MERTK: variants seen among roughly 807,000 people sequenced by gnomAD.
MERTK encodes the protein MER proto-oncogene, tyrosine kinase.
In MERTK, 69 loss-of-function variants were observed where a neutral mutation model predicts 99.3. That is an observed-to-expected ratio of 0.70 (90% CI 0.57 to 0.85). The LOEUF is 0.85. Among genes scored for constraint, MERTK ranks in the 40% least tolerant of loss-of-function variants. MERTK has a pLI of 0.00. For missense variants in MERTK, 1,125 were observed against 1,249.4 expected (o/e 0.90, Z 1.50); for synonymous variants, 426 against 467.6 (o/e 0.91, Z 1.15).
In MERTK at chr2:111,997,356, C is replaced by T. The variant is rs754004173; in HGVS notation, c.1484C>T (p.Ala495Val). The T allele has an allele frequency of 2.9e-5, 46 of 1,614,004 alleles. 2 individuals are homozygous for T. In the South Asian group the frequency reaches 4.0e-4, roughly 14 times the overall value. The change falls in exon 10 of 19, where the codon GCG becomes GTG. Residue 495 changes from alanine to valine, a missense_variant. By Grantham distance (64) the Ala-to-Val change is moderately conservative. Transcript: ENST00000295408. ...GATTATGCCCCCTCTTCAACTCCGG[C>T]GCCTGGCAACGCAGATCCTGTGCTC... ...WVDYAPSSTP[A>V]PGNADPVLII... is the part of the protein sequence containing the mutation.
intron 4 of MERTK, among the ~76,000 whole-genome samples, chr2:111,951,583 A>T (rs893271554): frequency 7.6e-6 from 1 of 130,912 alleles, no homozygotes; most frequent in Non-Finnish European, 1.6e-5. Flanking sequence ...CTGTTTATGG[A>T]CACTTACATT....
At chr2:111,940,455 A>G (rs537258770) in intron 2 of MERTK, 64 of 557,268 alleles carry the variant, frequency 1.1e-4, no homozygotes, top group South Asian at 8.8e-4. Flanking sequence ...TAAGAACTGC[A>G]TCTCCTGTGT....
chr2:111,899,664 C>A (rs1440971135), intron 1 of MERTK, among the ~76,000 whole-genome samples: 1 of 152,118 alleles, frequency 6.6e-6, no homozygotes, highest in African/African-American at 2.4e-5. Flanking sequence ...ACTATAGACG[C>A]GCGCTACCAC....
intron 8 of MERTK, among the ~76,000 whole-genome samples, chr2:111,986,052 A>T (rs1198028378): frequency 2.0e-5 from 3 of 152,174 alleles, no homozygotes; most frequent in Admixed American, 2.0e-4. Flanking sequence ...CTTAAAATTT[A>T]TTTTAATTTC....
At chr2:111,944,310 A>G (rs1490680358) in intron 2 of MERTK, among the ~76,000 whole-genome samples, 1 of 150,798 alleles carries the variant, frequency 6.6e-6, no homozygotes, top group Admixed American at 6.6e-5. Context: ...TCTCAAAAAA[A>G]AAAAAAAAAA....
At chr2:111,916,337 A>G (rs556555082) in intron 1 of MERTK, among the ~76,000 whole-genome samples, 1 of 152,084 alleles carries the variant, frequency 6.6e-6, no homozygotes, top group Admixed American at 6.6e-5. Context: ...CTCTCCTTTC[A>G]GGACTTCAGT....
At chr2:111,998,096 C>T (rs888104407) in intron 10 of MERTK, among the ~76,000 whole-genome samples, 3 of 152,128 alleles carry the variant, frequency 2.0e-5, no homozygotes, top group African/African-American at 4.8e-5. Flanking sequence ...CTAGAACATC[C>T]CACTCGCTCC....
chr2:112,008,357 T>G (rs1325548156), intron 13 of MERTK, 26 bp from the exon 14 acceptor site: 1 of 1,574,542 alleles, frequency 6.4e-7, no homozygotes, highest in Non-Finnish European at 8.7e-7. Flanking sequence ...TTATCCATAC[T>G]TAACCTTTTC....
chr2:112,008,648 A>T, intron 14 of MERTK, 173 bp downstream of exon 14: 1 of 712,764 alleles, frequency 1.4e-6, no homozygotes, highest in East Asian at 2.6e-5. Flanking sequence ...TTCTGAGGCT[A>T]ATAGTAATAA....
intron 4 of MERTK, among the ~76,000 whole-genome samples, chr2:111,950,229 C>T (rs905804508): frequency 2.0e-5 from 3 of 152,160 alleles, no homozygotes; most frequent in African/African-American, 7.2e-5. Context: ...AGCCACCGTG[C>T]CTGGCCAGTA....
chr2:111,979,902 C>T (rs558738289), intron 7 of MERTK, among the ~76,000 whole-genome samples: 2 of 152,034 alleles, frequency 1.3e-5, no homozygotes, highest in African/African-American at 4.8e-5. Flanking sequence ...TTTTTTTGGT[C>T]CCTGATATTC....
At chr2:111,942,501 A>G (rs1684881903) in intron 2 of MERTK, among the ~76,000 whole-genome samples, 1 of 152,148 alleles carries the variant, frequency 6.6e-6, no homozygotes, top group South Asian at 2.1e-4. Flanking sequence ...GGGGGCTACC[A>G]GGAGAGGGTC....
intron 5 of MERTK, 36 bp from the exon 6 acceptor site, chr2:111,968,101 G>GTGCGTA (rs752968762): frequency 4.4e-6 from 3 of 689,502 alleles, no homozygotes; most frequent in Non-Finnish European, 6.4e-6. Flanking sequence ...TTGTGTTTGT[G>GTGCGTA]TGTGTATGTG....
Position 111,957,084 on chromosome 2 carries a change from A to C in MERTK, c.758-8107A>C, listed in dbSNP as rs182880054. Among the ~76,000 whole-genome samples the C allele has an allele frequency of 7.8e-3, 1,189 of 151,672 alleles. 17 individuals carry two copies. Among genetic ancestry groups the C allele is most frequent in the African/African-American group, 0.027 (1,132 of 41,360 alleles). On this transcript the variant is annotated intron_variant, in intron 4 of 18. Coordinates refer to ENST00000295408, the MANE Select transcript of MERTK (RefSeq NM_006343.3). ...CTGGGACTACAGGGGCCAGCCACCTAGCCCGGCTAATTTTTTGTATTTTTA... is the reference window on the plus strand; with the variant it reads ...CTGGGACTACAGGGGCCAGCCACCTCGCCCGGCTAATTTTTTGTATTTTTA...
At chr2:111,966,945 A>G (rs1685369471) in intron 5 of MERTK, among the ~76,000 whole-genome samples, 1 of 152,106 alleles carries the variant, frequency 6.6e-6, no homozygotes, top group Non-Finnish European at 1.5e-5. Flanking sequence ...CCTGGGCCTC[A>G]TCCACAGTTC....
Position 111,972,755 on chromosome 2 carries a change from T to C in MERTK, c.961-2534T>C, listed in dbSNP as rs188899548. 3.7e-3 allele frequency among the ~76,000 whole-genome samples: 564 copies of C among 152,324 alleles called. 15 individuals carry two copies. Among genetic ancestry groups the C allele is most frequent in the Middle Eastern group, 0.027 (8 of 294 alleles). ...AAACTGCATGAATAATGTCGTGACATACCTATACTGAAAAGTTACTTGTTG... is the reference window on the plus strand; with the variant it reads ...AAACTGCATGAATAATGTCGTGACACACCTATACTGAAAAGTTACTTGTTG... On this transcript the variant is annotated intron_variant, in intron 6 of 18. Transcript: ENST00000295408.
rs776424157 is a variant in MERTK, at chr2:111,945,003, A to C, written c.526A>C (p.Lys176Gln). Residue 176 changes from lysine to glutamine, a missense_variant, in exon 3 of 19, where the codon AAG becomes CAG. Transcript: ENST00000295408. ...QRSDNGSYIC[K>Q]MKINNEEIVS... ...TTCAGACAATGGGTCGTATATCTGT[A>C]AGATGAAAATAAACAATGAAGAGAT... 4.7e-5 allele frequency: 76 copies of C among 1,613,750 alleles called. No homozygotes were observed. The highest frequency in any genetic ancestry group is 6.1e-5 in the Non-Finnish European group (72 of 1,179,850).
At chr2:111,955,141 T>C (rs201192591) in intron 4 of MERTK, among the ~76,000 whole-genome samples, 91 of 152,262 alleles carry the variant, frequency 6.0e-4, no homozygotes, top group African/African-American at 2.1e-3. Context: ...ACTGAGGGAA[T>C]GCTAAGTGGT....
chr2:111,975,740 C>T (rs1462369560), intron 7 of MERTK, among the ~76,000 whole-genome samples: 5 of 152,186 alleles, frequency 3.3e-5, no homozygotes, highest in Non-Finnish European at 7.3e-5. Context: ...CATGCTCTCT[C>T]ACAACACAAC....
Sources: allele counts gnomAD v4.1 joint callset (sites outside exome capture counted in the v4.1 genomes callset), GRCh38; gene constraint gnomAD v4.1.1; transcripts MANE v1.5; gene names NCBI Gene and HGNC (gene_info 2026-07-23, HGNC 2026-07-21).